Variants in ANKRD50 observed in about 807,000 individuals in gnomAD.
ANKRD50 encodes ankyrin repeat domain-containing protein 50.
A neutral mutation model predicts 112.0 loss-of-function variants in ANKRD50; 40 were observed. The ratio of observed to expected loss-of-function variants is 0.36; its 90% confidence interval spans 0.28 to 0.46. ANKRD50 has a LOEUF of 0.46. ANKRD50 is among the 20% of genes least tolerant of loss of function. The pLI, the probability that ANKRD50 is intolerant of heterozygous loss-of-function variation, is 1.00. For synonymous variants in ANKRD50, 613 were observed against 619.1 expected (o/e 0.99, Z 0.15); for missense variants, 1,487 against 1,701.7 (o/e 0.87, Z 2.22).
At chr4:124,712,075 C>G (rs900773791) in intron 1 of ANKRD50, among the ~76,000 whole-genome samples, 3 of 152,146 alleles carry the variant, frequency 2.0e-5, no homozygotes, top group Non-Finnish European at 2.9e-5. Context: ...AGAGGAGCCA[C>G]AGGGGAGCCA....
At position 124,672,223 on chromosome 4, in the gene ANKRD50, G is replaced by C; in HGVS notation, c.1054C>G (p.Pro352Ala). 1 of 1,613,760 alleles carries C rather than the reference G, an allele frequency of 6.2e-7. No individual in the cohort carries two copies. Among genetic ancestry groups the C allele is most frequent in the Non-Finnish European group, 8.5e-7 (1 of 1,179,830 alleles). Residue 352 changes from proline to alanine, a missense_variant, in exon 4 of 5, where the codon CCT becomes GCT. Physicochemically the swap from Pro to Ala is conservative, Grantham distance 27. Around this residue, in one of 2 missense-constraint regions of ANKRD50, gnomAD observed 1,046 missense variants for 1,269.5 expected, o/e 0.82. Transcript: ENST00000504087. The part of the protein sequence containing the change: ...FVRKQFAKVQ[P>A]ILNVILAACR... ...GCTGCAAGAATCACATTCAAAATAG[G>C]CTGAACCTTTGCAAATTGTTTTCTT...
chr4:124,671,180 A>C lies in ANKRD50; in HGVS notation c.2097T>G (p.His699Gln), dbSNP rs1730641156. The change falls in exon 4 of 5, where the codon CAT becomes CAG. Residue 699 changes from histidine (H) to glutamine (Q), a missense_variant. By Grantham distance (24) the His-to-Gln change is conservative. Around this residue, in one of 2 missense-constraint regions of ANKRD50, gnomAD observed 1,046 missense variants for 1,269.5 expected, o/e 0.82. Coordinates refer to ENST00000504087, the MANE Select transcript of ANKRD50 (RefSeq NM_020337.3). ...HREIVEHLLDHGAEVNHEDVD... is the reference protein window; with the variant it reads ...HREIVEHLLDQGAEVNHEDVD... ...CATCCTCATGATTTACTTCTGCTCC[A>C]TGGTCCAGTAGGTGTTCCACAATCT... The C allele has an allele frequency of 6.2e-7, 1 of 1,613,794 alleles. No individual in the cohort carries two copies. The highest frequency in any genetic ancestry group is 1.3e-5 in the African/African-American group (1 of 74,886).
At chr4:124,702,083 A>C (rs1460580757) in intron 2 of ANKRD50, among the ~76,000 whole-genome samples, 2 of 152,214 alleles carry the variant, frequency 1.3e-5, no homozygotes, top group African/African-American at 4.8e-5. Context: ...TCATAGACTT[A>C]AAAATAATTC....
At chr4:124,701,198 G>T (rs1024419589) in intron 2 of ANKRD50, among the ~76,000 whole-genome samples, 1 of 151,988 alleles carries the variant, frequency 6.6e-6, no homozygotes, top group African/African-American at 2.4e-5. Flanking sequence ...CCTGACCTCA[G>T]GTGATCTGCC....
At chr4:124,686,052 T>G (rs558805835) in intron 2 of ANKRD50, among the ~76,000 whole-genome samples, 14 of 152,314 alleles carry the variant, frequency 9.2e-5, no homozygotes, top group African/African-American at 2.9e-4. Flanking sequence ...CAGCTGAAAC[T>G]GAAATGAAAG....
chr4:124,676,096 CG>C (rs1465825055), intron 3 of ANKRD50, among the ~76,000 whole-genome samples: 1 of 151,564 alleles, frequency 6.6e-6, no homozygotes, highest in Non-Finnish European at 1.5e-5. Context: ...CAACTTAAAA[CG>C]TAAGCAAAGA....
At chr4:124,687,904 G>A (rs933259368) in intron 2 of ANKRD50, among the ~76,000 whole-genome samples, 4 of 152,104 alleles carry the variant, frequency 2.6e-5, no homozygotes, top group Admixed American at 6.5e-5. Context: ...CATTTCCAAC[G>A]GTACAACCAC....
chr4:124,710,646 G>C lies in ANKRD50; in HGVS notation c.-135C>G. ...GTTACAGTAAAATTCAACAGCCACA[G>C]AGTTCCTCTGTCAACAGAACGTGCA... On this transcript the variant is annotated 5_prime_UTR_variant, in exon 2 of 5. Transcript: ENST00000504087. 1 of 1,042,654 alleles carries C rather than the reference G, an allele frequency of 9.6e-7. No individual in the cohort carries two copies. Among genetic ancestry groups the C allele is most frequent in the Non-Finnish European group, 1.4e-6 (1 of 718,292 alleles). 64.6% of individuals were successfully genotyped at this position (1,042,654 alleles called of 1,614,324 possible).
At chr4:124,708,691 TACACACACACACACAC>T (rs10558584) in intron 2 of ANKRD50, among the ~76,000 whole-genome samples, 1 of 145,582 alleles carries the variant, frequency 6.9e-6, no homozygotes, top group Non-Finnish European at 1.5e-5. Flanking sequence ...TACTAACACA[TACACACACACACACAC>T]ACACACACAC....
At position 124,710,287 on chromosome 4, in the gene ANKRD50, C is replaced by T. The variant is rs1487893235; in HGVS notation, c.225G>A (p.Leu75=). ...TCTTGCCACTGCCAGGCCCTCCTACCAACAACACACCCCAGGCAGCTCCCT... is the reference window on the plus strand; with the variant it reads ...TCTTGCCACTGCCAGGCCCTCCTACTAACAACACACCCCAGGCAGCTCCCT... ...SGKGAAWGVL[L]VGGPGSGKTA... is the part of the protein sequence containing the mutation. The change falls in exon 2 of 5, where the codon TTG becomes TTA. Residue 75 remains leucine, a synonymous_variant. Transcript: ENST00000504087. The T allele has an allele frequency of 3.1e-6, 5 of 1,614,070 alleles. No homozygotes were observed. The highest frequency in any genetic ancestry group is 4.2e-6 in the Non-Finnish European group (5 of 1,180,026).
At chr4:124,705,366 T>C (rs1023651288) in intron 2 of ANKRD50, among the ~76,000 whole-genome samples, 5 of 152,224 alleles carry the variant, frequency 3.3e-5, no homozygotes, top group Admixed American at 6.5e-5. Context: ...TAATTCTTTA[T>C]TGCAATTTTA....
chr4:124,700,916 C>T (rs1488162741), intron 2 of ANKRD50, among the ~76,000 whole-genome samples: 1 of 152,064 alleles, frequency 6.6e-6, no homozygotes, highest in Non-Finnish European at 1.5e-5. Flanking sequence ...ATCCACTGGC[C>T]AAAGCAAACC....
chr4:124,670,499 C>T lies in ANKRD50; in HGVS notation c.2778G>A (p.Arg926=). The T allele has an allele frequency of 2.5e-6, 4 of 1,613,734 alleles. No individual in the cohort carries two copies. The highest frequency in any genetic ancestry group is 1.7e-6 in the Non-Finnish European group (2 of 1,179,886). ...ALRVAALEGH[R]DIVELLFSHG... ...GGCTAAAAAGCAATTCAACAATGTC[C>T]CTGTGCCCTTCTAATGCAGCAACCC... Residue 926 remains arginine (R), a synonymous_variant, in exon 4 of 5, where the codon AGG becomes AGA. Transcript: ENST00000504087.
intron 2 of ANKRD50, among the ~76,000 whole-genome samples, chr4:124,704,016 A>G (rs1725451831): frequency 1.3e-5 from 2 of 152,178 alleles, no homozygotes; most frequent in Non-Finnish European, 2.9e-5. Flanking sequence ...AAAAGAAAAG[A>G]TTTTCAGAAG....
chr4:124,697,338 G>A (rs1206695463), intron 2 of ANKRD50, among the ~76,000 whole-genome samples: 1 of 152,122 alleles, frequency 6.6e-6, no homozygotes, highest in African/African-American at 2.4e-5. Flanking sequence ...AAAATCAAAG[G>A]TTGGTGCTAT....
At position 124,709,862 on chromosome 4, in the gene ANKRD50, TATACTCA is replaced by T; in HGVS notation, c.512+131_512+137del. 2.6e-6 allele frequency: 3 copies of T among 1,135,012 alleles called. No individual in the cohort carries two copies. The East Asian group carries it at 7.4e-5, about 28-fold the overall frequency. The allele number at this position is 1,135,012 out of a possible 1,614,324, so 70.3% of individuals were successfully genotyped here. ...TCCTTTGATATTCAAAGTAAACAGG[TATACTCA>T]TAACTTCAGATTAAGGCCAAATGTA... On this transcript the variant is annotated intron_variant, in intron 2 of 4. Coordinates refer to ENST00000504087, the MANE Select transcript of ANKRD50 (RefSeq NM_020337.3).
At chr4:124,702,589 G>T (rs1232785176) in intron 2 of ANKRD50, among the ~76,000 whole-genome samples, 1 of 152,086 alleles carries the variant, frequency 6.6e-6, no homozygotes, top group African/African-American at 2.4e-5. Flanking sequence ...AGATCACATG[G>T]TTTAGTAGAA....
In ANKRD50 at chr4:124,676,059, T is replaced by C. The variant is rs147438559; in HGVS notation, c.742+2617A>G. On this transcript the variant is annotated intron_variant, in intron 3 of 4. Coordinates refer to ENST00000504087, the MANE Select transcript of ANKRD50 (RefSeq NM_020337.3). ...ATACACGTGCAATTTTAATTTCAAATGCATACAACTAAAAACACATACATT... is the reference window on the plus strand; with the variant it reads ...ATACACGTGCAATTTTAATTTCAAACGCATACAACTAAAAACACATACATT... Among the ~76,000 whole-genome samples the C allele has an allele frequency of 5.3e-5, 8 of 151,902 alleles. No homozygotes were observed. In the East Asian group the frequency reaches 5.8e-4, roughly 11 times the overall value.
chr4:124,668,928 C>T, intron 4 of ANKRD50, 56 bp downstream of exon 4: 1 of 1,464,344 alleles, frequency 6.8e-7, no homozygotes, highest in Non-Finnish European at 9.3e-7. Context: ...AAAGAGCATT[C>T]CAAGTAGAGG....
Sources: allele counts gnomAD v4.1 joint callset (sites outside exome capture counted in the v4.1 genomes callset), GRCh38; gene constraint gnomAD v4.1.1; regional missense constraint gnomAD v4.1.1; transcripts MANE v1.5; gene names NCBI Gene and HGNC (gene_info 2026-07-23, HGNC 2026-07-21).